CDH4: variants seen among roughly 807,000 people sequenced by gnomAD.
CDH4 encodes cadherin-4.
In CDH4, 33 loss-of-function variants were observed where a neutral mutation model predicts 86.0. That is an observed-to-expected ratio of 0.38 (90% CI 0.29 to 0.51). CDH4 has a LOEUF of 0.51. Among genes scored for constraint, CDH4 ranks in the 20% least tolerant of loss-of-function variants. The pLI is 0.86. For missense variants in CDH4, 1,114 were observed against 1,307.4 expected (o/e 0.85, Z 2.28); for synonymous variants, 555 against 549.4 (o/e 1.01, Z -0.14).
At position 61,931,513 on chromosome 20, in the gene CDH4, C is replaced by T. The variant is rs148366935; in HGVS notation, c.2240-1472C>T. 7.3e-3 allele frequency among the ~76,000 whole-genome samples: 1,118 copies of T among 152,322 alleles called. 13 individuals are homozygous for T. The highest frequency in any genetic ancestry group is 0.024 in the African/African-American group (1,002 of 41,576). ...ACAGCCCTCCTGACTGGGGGGTCGC[C>T]GCCCCTCTCGCCTCCGGGCTCACCC... is the stretch of plus-strand genomic sequence containing the variant. On this transcript the variant is annotated intron_variant, in intron 13 of 15. Coordinates refer to ENST00000614565, the MANE Select transcript of CDH4 (RefSeq NM_001794.5).
chr20:61,523,319 C>G (rs746663490), intron 2 of CDH4, among the ~76,000 whole-genome samples: 1 of 152,260 alleles, frequency 6.6e-6, no homozygotes. Flanking sequence ...CCACGCTGGT[C>G]TCTGCTCGCC....
chr20:61,257,971 T>C (rs748671298), intron 2 of CDH4, among the ~76,000 whole-genome samples: 5 of 152,148 alleles, frequency 3.3e-5, no homozygotes, highest in Non-Finnish European at 7.4e-5. Context: ...CGCTGTTCAC[T>C]GGGGATGGGG....
intron 4 of CDH4, among the ~76,000 whole-genome samples, chr20:61,773,686 A>G (rs1182984728): frequency 3.3e-5 from 5 of 152,204 alleles, no homozygotes; most frequent in African/African-American, 4.8e-5. Flanking sequence ...TTGTGTTTCT[A>G]TTATCAAGGC....
intron 4 of CDH4, among the ~76,000 whole-genome samples, chr20:61,819,788 A>G (rs1719531224): frequency 1.3e-5 from 2 of 152,186 alleles, no homozygotes; most frequent in African/African-American, 4.8e-5. Context: ...AGACGTTTTA[A>G]AGGTGCTGTT....
chr20:61,719,509 AAG>A (rs1160583069), intron 2 of CDH4: 11 of 210,992 alleles, frequency 5.2e-5, no homozygotes, highest in Admixed American at 2.6e-4. Flanking sequence ...TCCCAACCCA[AAG>A]AGAGATAATT....
At chr20:61,551,120 T>A (rs891310886) in intron 2 of CDH4, among the ~76,000 whole-genome samples, 4 of 152,212 alleles carry the variant, frequency 2.6e-5, no homozygotes, top group Non-Finnish European at 4.4e-5. Flanking sequence ...AAAGGTGTAA[T>A]GAAAGAATGT....
chr20:61,534,665 CT>C (rs34309371), intron 2 of CDH4, among the ~76,000 whole-genome samples: 7,717 of 76,098 alleles, frequency 0.1, 199 homozygotes, highest in East Asian at 0.31. Context: ...TTCTTTCTTT[CT>C]TTTTTTTTTT....
rs1568731906 is a variant in CDH4 at position 61,647,532 on chromosome 20, TCC to T, written c.170-96029_170-96028del. Among the ~76,000 whole-genome samples, 63 of 37,952 alleles carry T rather than the reference TCC, an allele frequency of 1.7e-3. 4 individuals carry two copies. Among genetic ancestry groups the T allele is most frequent in the African/African-American group, 5.3e-3 (41 of 7,788 alleles). 24.9% of individuals were successfully genotyped at this position (37,952 alleles called of 152,430 possible). On this transcript the variant is annotated intron_variant, in intron 2 of 15. Transcript: ENST00000614565. Reference sequence around the variant, plus strand: ...TCAGTATGCACACACATATTCTCTCTCCCTCTCCCTCTCCCTCTCCCTCTCCC... The same window carrying T: ...TCAGTATGCACACACATATTCTCTCTCTCTCCCTCTCCCTCTCCCTCTCCC...
chr20:61,891,154 G>C (rs575135022), intron 7 of CDH4, among the ~76,000 whole-genome samples: 30 of 152,118 alleles, frequency 2.0e-4, no homozygotes, highest in Non-Finnish European at 3.4e-4. Context: ...CGCCATGTGG[G>C]GCAAATGTTG....
intron 2 of CDH4, among the ~76,000 whole-genome samples, chr20:61,740,139 G>C (rs1209610465): frequency 6.6e-6 from 1 of 152,228 alleles, no homozygotes; most frequent in Non-Finnish European, 1.5e-5. Context: ...AACGTGCTGA[G>C]GTTAGTAAAT....
At chr20:61,407,216 G>C (rs1600948768) in intron 2 of CDH4, among the ~76,000 whole-genome samples, 1 of 152,244 alleles carries the variant, frequency 6.6e-6, no homozygotes, top group South Asian at 2.1e-4. Context: ...CCCAACTGCT[G>C]CTTCTAGAAC....
At chr20:61,490,044 A>G (rs1294922797) in intron 2 of CDH4, among the ~76,000 whole-genome samples, 1 of 152,204 alleles carries the variant, frequency 6.6e-6, no homozygotes, top group Non-Finnish European at 1.5e-5. Context: ...TTCCTGGTTG[A>G]TGACCATCAC....
At chr20:61,796,537 G>A (rs1008615620) in intron 4 of CDH4, among the ~76,000 whole-genome samples, 4 of 152,166 alleles carry the variant, frequency 2.6e-5, no homozygotes, top group East Asian at 1.9e-4. Flanking sequence ...CCATCCTCCC[G>A]GGCCCTGTAG....
At chr20:61,647,664 TG>T (rs1252565641) in intron 2 of CDH4, among the ~76,000 whole-genome samples, 1 of 149,726 alleles carries the variant, frequency 6.7e-6, no homozygotes, top group East Asian at 2.1e-4. Flanking sequence ...GATCCCCATC[TG>T]GGAGGCTACT....
chr20:61,265,973 C>T (rs1184910554), intron 2 of CDH4, among the ~76,000 whole-genome samples: 1 of 152,178 alleles, frequency 6.6e-6, no homozygotes, highest in East Asian at 1.9e-4. Flanking sequence ...GGGTGAACTG[C>T]CTGGGAAGCC....
At chr20:61,927,722 C>T (rs2055059662) in intron 11 of CDH4, among the ~76,000 whole-genome samples, 1 of 152,248 alleles carries the variant, frequency 6.6e-6, no homozygotes, top group Non-Finnish European at 1.5e-5. Context: ...CGCAGAACCC[C>T]TCCCTGGCTC....
chr20:61,755,808 G>A (rs1204623899), intron 3 of CDH4, among the ~76,000 whole-genome samples: 3 of 151,948 alleles, frequency 2.0e-5, no homozygotes, highest in South Asian at 2.1e-4. Context: ...ACATTTACAC[G>A]TACGCACATT....
rs774654928 is a variant in CDH4, at chr20:61,254,966, G to T, written c.169+29G>T. 1.1e-4 allele frequency: 135 copies of T among 1,250,210 alleles called. 3 individuals carry two copies. In the South Asian group the frequency reaches 1.6e-3, roughly 15 times the overall value. The allele number at this position is 1,250,210 out of a possible 1,614,324, so 77.4% of individuals were successfully genotyped here. A position where few individuals can be genotyped will look rare whatever the true frequency, so the allele number is the denominator to read the frequency against. On this transcript the variant is annotated intron_variant, in intron 2 of 15. Coordinates refer to ENST00000614565, the MANE Select transcript of CDH4 (RefSeq NM_001794.5). ...AGGCGGGGTGTGGAGGGGTGGGAGTGAATTGCTGCCATGCTTTTCCTTGGG... is the reference window on the plus strand; with the variant it reads ...AGGCGGGGTGTGGAGGGGTGGGAGTTAATTGCTGCCATGCTTTTCCTTGGG...
intron 4 of CDH4, among the ~76,000 whole-genome samples, chr20:61,783,495 CG>C (rs1978658272): frequency 6.6e-6 from 1 of 151,048 alleles, no homozygotes; most frequent in African/African-American, 2.5e-5. Flanking sequence ...CCTGTGCCCC[CG>C]AAAGAAATGT....
Sources: gnomAD v4.1 joint callset for allele counts (sites outside exome capture counted in the v4.1 genomes callset) on GRCh38, gnomAD v4.1.1 for gene constraint, MANE v1.5 for transcripts, NCBI Gene and HGNC (gene_info 2026-07-23, HGNC 2026-07-21) for gene names.